SERGEF: variants seen among roughly 807,000 people sequenced by gnomAD.
The protein encoded by SERGEF is secretion regulating guanine nucleotide exchange factor, also known as secretion-regulating guanine nucleotide exchange factor.
Under a neutral mutation model 50.0 loss-of-function variants are expected in SERGEF, and 51 were observed. The ratio of observed to expected loss-of-function variants is 1.02; its 90% CI spans 0.81 to 1.29. SERGEF has a LOEUF of 1.29. SERGEF is among the 50% of genes most tolerant of loss of function. SERGEF has a pLI of 0.00. For missense variants in SERGEF, 521 were observed against 557.0 expected, an observed-to-expected ratio of 0.94 and a Z score of 0.65; for synonymous variants, 205 against 212.4, an observed-to-expected ratio of 0.97 and a Z score of 0.30.
chr11:17,936,095 C>G (rs1852448080), intron 9 of SERGEF, among the ~76,000 whole-genome samples: 1 of 152,130 alleles, frequency 6.6e-6, no homozygotes, highest in Non-Finnish European at 1.5e-5. Context: ...CTTTTAATAG[C>G]ATCCAAAGTA....
chr11:18,008,752 C>T (rs1353665471), intron 1 of SERGEF, among the ~76,000 whole-genome samples: 3 of 151,638 alleles, frequency 2.0e-5, no homozygotes, highest in Non-Finnish European at 4.4e-5. Flanking sequence ...CGTATCTCTC[C>T]TTACCCCCTC....
intron 10 of SERGEF, among the ~76,000 whole-genome samples, chr11:17,865,459 A>C (rs1851004093): frequency 6.6e-6 from 1 of 152,152 alleles, no homozygotes; most frequent in Non-Finnish European, 1.5e-5. Context: ...TTACAGAAGA[A>C]GGCATTGTTA....
At chr11:17,945,724 A>G (rs1034952879) in intron 9 of SERGEF, among the ~76,000 whole-genome samples, 2 of 152,204 alleles carry the variant, frequency 1.3e-5, no homozygotes, top group African/African-American at 2.4e-5. Flanking sequence ...AGGCAGGCGG[A>G]TTACCTGGGG....
chr11:18,007,761 C>G (rs561214869), intron 2 of SERGEF, among the ~76,000 whole-genome samples, 180 bp downstream of exon 2: 1 of 152,254 alleles, frequency 6.6e-6, no homozygotes, highest in Admixed American at 6.5e-5. Flanking sequence ...CTCTGAAGTC[C>G]TTCTAGCCCT....
At chr11:17,988,881 T>A in intron 7 of SERGEF, 126 bp from the exon 8 acceptor site, 1 of 872,914 alleles carries the variant, frequency 1.1e-6, no homozygotes, top group South Asian at 2.1e-5. Flanking sequence ...CAAGGTTGAG[T>A]GGAGCCAAGC....
chr11:17,793,060 A>G (rs946008345), intron 10 of SERGEF, among the ~76,000 whole-genome samples: 1 of 152,176 alleles, frequency 6.6e-6, no homozygotes, highest in African/African-American at 2.4e-5. Flanking sequence ...CAACTGTGTG[A>G]TAATGGTACG....
intron 3 of SERGEF, 136 bp downstream of exon 3, chr11:18,006,455 T>C (rs1016409218): frequency 5.8e-6 from 5 of 868,230 alleles, no homozygotes; most frequent in South Asian, 1.9e-5. Context: ...GAATTACAAT[T>C]GTGAGCCACC....
rs559860001 is a variant in SERGEF at position 17,942,924 on chromosome 11, A to T, written c.1011+16546T>A. On this transcript the variant is annotated intron_variant, in intron 9 of 10. Transcript: ENST00000265965. The stretch of plus-strand genomic sequence containing the variant: ...AAATTGATTTTCAAGTGAAAAAGCA[A>T]GCTTTCATTCCTGAGATAACATAGT... 5.9e-5 allele frequency among the ~76,000 whole-genome samples: 9 copies of T among 152,250 alleles called. No individual in the cohort carries two copies. In the East Asian group the frequency reaches 1.7e-3, roughly 29 times the overall value.
chr11:17,867,569 G>C (rs983799792), intron 10 of SERGEF, among the ~76,000 whole-genome samples: 5 of 152,188 alleles, frequency 3.3e-5, no homozygotes, highest in Admixed American at 1.3e-4. Flanking sequence ...CTACCATTCT[G>C]GGGCCTGGAG....
chr11:18,001,010 C>T (rs999272007), intron 4 of SERGEF, among the ~76,000 whole-genome samples: 3 of 152,158 alleles, frequency 2.0e-5, no homozygotes, highest in African/African-American at 4.8e-5. Context: ...ATGATCTAGT[C>T]CAATCTCCAT....
At chr11:17,966,468 A>G (rs1853127962) in intron 8 of SERGEF, among the ~76,000 whole-genome samples, 1 of 152,156 alleles carries the variant, frequency 6.6e-6, no homozygotes, top group Non-Finnish European at 1.5e-5. Context: ...GACCTCTTGG[A>G]TACCTCCCTG....
At chr11:17,831,186 G>A (rs569068715) in intron 10 of SERGEF, among the ~76,000 whole-genome samples, 13 of 152,342 alleles carry the variant, frequency 8.5e-5, no homozygotes, top group Admixed American at 4.6e-4. Flanking sequence ...TACCTCCAGA[G>A]ATTCTGATTC....
At chr11:17,813,035 T>C (rs983595909) in intron 10 of SERGEF, among the ~76,000 whole-genome samples, 2 of 152,182 alleles carry the variant, frequency 1.3e-5, no homozygotes, top group African/African-American at 4.8e-5. Flanking sequence ...CATCACCGTA[T>C]TCAGAAGGGT....
intron 10 of SERGEF, among the ~76,000 whole-genome samples, chr11:17,865,704 T>C (rs1851010191): frequency 6.6e-6 from 1 of 152,182 alleles, no homozygotes; most frequent in Non-Finnish European, 1.5e-5. Context: ...GTACAATGTG[T>C]TTTAAGCTGT....
chr11:17,879,135 G>GTACATGAAAGAACAAAT (rs1484026633), intron 9 of SERGEF, among the ~76,000 whole-genome samples: 9 of 152,308 alleles, frequency 5.9e-5, no homozygotes, highest in African/African-American at 2.2e-4. Context: ...AAAGAACAAA[G>GTACATGAAAGAACAAAT]TACATAAAAG....
At chr11:17,849,715 C>G (rs186399186) in intron 10 of SERGEF, among the ~76,000 whole-genome samples, 88 of 152,266 alleles carry the variant, frequency 5.8e-4, no homozygotes, top group Admixed American at 1.5e-3. Flanking sequence ...TTAAAATTAC[C>G]CCCAGCAAGG....
intron 10 of SERGEF, chr11:17,863,821 C>A (rs1340119949): frequency 6.6e-6 from 1 of 152,162 alleles, no homozygotes; most frequent in Non-Finnish European, 1.5e-5. Context: ...ATATAATGTT[C>A]ATTGAGTATT....
At chr11:17,883,696 C>T (rs548683307) in intron 9 of SERGEF, among the ~76,000 whole-genome samples, 1 of 152,194 alleles carries the variant, frequency 6.6e-6, no homozygotes, top group Non-Finnish European at 1.5e-5. Flanking sequence ...ATCCAGTTCC[C>T]TTACATCTGG....
chr11:17,917,553 A>G (rs1394372965), intron 9 of SERGEF, among the ~76,000 whole-genome samples: 1 of 152,224 alleles, frequency 6.6e-6, no homozygotes, highest in Admixed American at 6.5e-5. Flanking sequence ...CTGTTCCCCA[A>G]AAATCTATGG....
Sources: gnomAD v4.1 joint callset for allele counts (sites outside exome capture counted in the v4.1 genomes callset) on GRCh38, gnomAD v4.1.1 for gene constraint, MANE v1.5 for transcripts, NCBI Gene and HGNC (gene_info 2026-07-23, HGNC 2026-07-21) for gene names.